RELB: variants seen among roughly 807,000 people sequenced by gnomAD.
RELB encodes the protein transcription factor RelB.
RELB carries 14 observed loss-of-function variants against 55.4 expected under a neutral mutation model. The ratio of observed to expected loss-of-function variants is 0.25; its 90% CI spans 0.17 to 0.40. The LOEUF is 0.40. Among genes scored for constraint, RELB ranks in the 10% least tolerant of loss-of-function variants. The pLI, the probability that RELB is intolerant of heterozygous loss-of-function variation, is 1.00. For missense variants in RELB, 669 were observed against 830.7 expected (o/e 0.81, Z 2.39); for synonymous variants, 409 against 371.3 (o/e 1.10, Z -1.17).
At chr19:45,011,283 C>T (rs1471463400) in intron 3 of RELB, among the ~76,000 whole-genome samples, 1 of 152,182 alleles carries the variant, frequency 6.6e-6, no homozygotes, top group African/African-American at 2.4e-5. Context: ...CTGCCTCAGC[C>T]TCCTGAGTTG....
intron 4 of RELB, among the ~76,000 whole-genome samples, chr19:45,021,416 T>C (rs939667123): frequency 1.0e-4 from 13 of 126,454 alleles, no homozygotes; most frequent in African/African-American, 4.1e-4. Context: ...GAGCTTGCAG[T>C]GAGCGGATCC....
intron 3 of RELB, 143 bp from the exon 4 acceptor site, chr19:45,011,793 T>TGC: frequency 4.4e-6 from 1 of 227,808 alleles, no homozygotes; most frequent in Non-Finnish European, 7.4e-6. Context: ...TGTGTGTGTG[T>TGC]GTGTGAGAGA....
In RELB at chr19:45,037,909, C is replaced by G. The variant is rs1568407301; in HGVS notation, c.*119C>G. 4.8e-6 allele frequency: 5 copies of G among 1,044,500 alleles called. No homozygotes were observed. In the South Asian group the frequency reaches 8.8e-5, roughly 18 times the overall value. The allele number at this position is 1,044,500 out of a possible 1,614,324, so 64.7% of individuals were successfully genotyped here. ...CCCTTCCTCATGCTTCTGAAGTGGA[C>G]ATATTCAGCCTTGGCGAGAAGCTCC... On this transcript the variant is annotated 3_prime_UTR_variant, in exon 12 of 12. Coordinates refer to ENST00000221452, the MANE Select transcript of RELB (RefSeq NM_006509.4).
intron 4 of RELB, among the ~76,000 whole-genome samples, chr19:45,015,177 A>G (rs961228741): frequency 1.3e-5 from 2 of 152,088 alleles, no homozygotes; most frequent in African/African-American, 4.8e-5. Context: ...TGCTGGGATT[A>G]CAGGCATGAG....
chr19:45,037,712 C>A lies in RELB; in HGVS notation c.1662C>A (p.Gly554=). ...ATGGAGGCACCGCCAGCCTTGTGGG[C>A]AGCAACATGTTCCCCAATCATTACC... ...PGDGGTASLV[G]SNMFPNHYRE... The change falls in exon 12 of 12, where the codon GGC becomes GGA. Residue 554 remains glycine (G), a synonymous_variant. Transcript: ENST00000221452. 1 of 1,537,276 alleles carries A rather than the reference C, an allele frequency of 6.5e-7. No individual in the cohort carries two copies.
intron 4 of RELB, among the ~76,000 whole-genome samples, chr19:45,013,631 G>A (rs929642240): frequency 6.6e-6 from 1 of 151,768 alleles, no homozygotes; most frequent in Non-Finnish European, 1.5e-5. Flanking sequence ...TCGGGAGTTC[G>A]AGACCACCCT....
At chr19:45,027,858 C>T (rs1971576609) in intron 7 of RELB, among the ~76,000 whole-genome samples, 1 of 152,010 alleles carries the variant, frequency 6.6e-6, no homozygotes, top group South Asian at 2.1e-4. Context: ...GAGGGTCTCC[C>T]TTAAACATTT....
chr19:45,038,010 C>T lies in RELB; in HGVS notation c.*220C>T. 2.3e-6 allele frequency: 1 copy of T among 432,028 alleles called. No individual in the cohort carries two copies. Among genetic ancestry groups the T allele is most frequent in the Non-Finnish European group, 4.0e-6 (1 of 248,164 alleles). The allele number at this position is 432,028 out of a possible 1,614,324, so 26.8% of individuals were successfully genotyped here. A position where few individuals can be genotyped will look rare whatever the true frequency, so the allele number is the denominator to read the frequency against. On this transcript the variant is annotated 3_prime_UTR_variant, in exon 12 of 12. Transcript: ENST00000221452. ...CGGAGAGGAAAAGGGACATGGCTCC[C>T]GTGCACTAGCTTGTTACAGCTGCCT...
At chr19:45,003,913 G>GTTTTTTTTTT (rs1346315548) in intron 2 of RELB, among the ~76,000 whole-genome samples, 2 of 52,686 alleles carry the variant, frequency 3.8e-5, no homozygotes, top group African/African-American at 6.6e-5. Flanking sequence ...TCTGTTTTTT[G>GTTTTTTTTTT]TGTTTTTTTT....
At chr19:45,012,515 G>A (rs1021324887) in intron 4 of RELB, among the ~76,000 whole-genome samples, 1 of 152,094 alleles carries the variant, frequency 6.6e-6, no homozygotes, top group African/African-American at 2.4e-5. Context: ...AGTCTGAGGC[G>A]GGCGGATCCC....
chr19:45,002,246 G>A (rs1971221725), intron 1 of RELB, among the ~76,000 whole-genome samples: 1 of 152,038 alleles, frequency 6.6e-6, no homozygotes, highest in African/African-American at 2.4e-5. Flanking sequence ...CCGACACAGA[G>A]AATGAGGAGG....
intron 9 of RELB, 52 bp from the exon 10 acceptor site, chr19:45,034,188 GAATT>G: frequency 4.2e-6 from 5 of 1,195,538 alleles, no homozygotes; most frequent in Non-Finnish European, 2.4e-6. Flanking sequence ...ATAAATAAAG[GAATT>G]AATTATTATT....
At chr19:45,024,285 C>T (rs1011610859) in intron 5 of RELB, among the ~76,000 whole-genome samples, 1 of 152,062 alleles carries the variant, frequency 6.6e-6, no homozygotes, top group African/African-American at 2.4e-5. Context: ...CCTCAGCCTC[C>T]CGAGTAGCTG....
In RELB at chr19:45,001,476, G is replaced by C; in HGVS notation, c.-104G>C. On this transcript the variant is annotated 5_prime_UTR_variant, in exon 1 of 12. Coordinates refer to ENST00000221452, the MANE Select transcript of RELB (RefSeq NM_006509.4). Reference sequence around the variant, plus strand: ...CCCCGCGCCCCGCGCAGCCCCGGGCGCCGCGCGTCCTGCCCGGCCTGCGGC... The same window carrying C: ...CCCCGCGCCCCGCGCAGCCCCGGGCCCCGCGCGTCCTGCCCGGCCTGCGGC... 1 of 308,494 alleles carries C rather than the reference G, an allele frequency of 3.2e-6. No individual in the cohort carries two copies. Among genetic ancestry groups the C allele is most frequent in the East Asian group, 1.0e-4 (1 of 9,724 alleles). The allele number at this position is 308,494 out of a possible 1,614,324, so 19.1% of individuals were successfully genotyped here. A position where few individuals can be genotyped will look rare whatever the true frequency, so the allele number is the denominator to read the frequency against.
intron 11 of RELB, among the ~76,000 whole-genome samples, chr19:45,035,887 G>T (rs1352122286): frequency 3.3e-5 from 5 of 152,202 alleles, no homozygotes; most frequent in Non-Finnish European, 7.3e-5. Flanking sequence ...GTGACTGCAT[G>T]ATCATCGAGA....
At chr19:45,030,001 C>T (rs1427175547) in intron 8 of RELB, among the ~76,000 whole-genome samples, 1 of 152,036 alleles carries the variant, frequency 6.6e-6, no homozygotes, top group East Asian at 1.9e-4. Flanking sequence ...AACCCTGTCT[C>T]TACAAAAAAT....
intron 4 of RELB, among the ~76,000 whole-genome samples, chr19:45,019,030 C>T (rs1373128523): frequency 6.6e-6 from 1 of 152,026 alleles, no homozygotes; most frequent in Non-Finnish European, 1.5e-5. Context: ...ATTCTGTCTC[C>T]GCACAGCCAA....
intron 8 of RELB, among the ~76,000 whole-genome samples, chr19:45,030,826 G>A (rs1239127041): frequency 5.3e-5 from 8 of 152,150 alleles, no homozygotes; most frequent in Non-Finnish European, 8.8e-5. Context: ...TGAAGAAACT[G>A]GTTCCAGAGA....
chr19:45,011,608 G>T (rs1022706611), intron 3 of RELB, among the ~76,000 whole-genome samples: 2 of 151,838 alleles, frequency 1.3e-5, no homozygotes, highest in African/African-American at 4.8e-5. Context: ...AGACGTGGGA[G>T]ACCATTCGGG....
Sources: gnomAD v4.1 joint callset for allele counts (sites outside exome capture counted in the v4.1 genomes callset) on GRCh38, gnomAD v4.1.1 for gene constraint, MANE v1.5 for transcripts, NCBI Gene and HGNC (gene_info 2026-07-23, HGNC 2026-07-21) for gene names.